Variants in POLR1D observed in about 807,000 individuals in gnomAD.
POLR1D encodes the protein RNA polymerase I and III subunit D.
A neutral mutation model predicts 10.8 loss-of-function variants in POLR1D; 8 were observed. The ratio of observed to expected loss-of-function variants is 0.74; its 90% CI spans 0.43 to 1.33. The LOEUF (loss-of-function observed/expected upper bound fraction) is 1.33. POLR1D is among the 40% of genes most tolerant of loss of function. POLR1D has a pLI of 0.01. For missense variants in POLR1D, 152 were observed against 161.7 expected, an observed-to-expected ratio of 0.94 and a Z score of 0.32; for synonymous variants, 54 against 57.2, an observed-to-expected ratio of 0.94 and a Z score of 0.25.
At chr13:27,627,321 G>T (rs1956023159), downstream of POLR1D, among the ~76,000 whole-genome samples, 2 of 149,348 alleles carry the variant, frequency 1.3e-5, no homozygotes, top group Admixed American at 6.7e-5. Context: ...TCTCAAACTT[G>T]GATTATTAGA....
chr13:27,623,019 C>T lies in POLR1D; in HGVS notation c.171C>T (p.Tyr57=). 1 of 1,614,084 alleles carries T rather than the reference C, an allele frequency of 6.2e-7. No homozygotes were observed. The highest frequency in any genetic ancestry group is 8.5e-7 in the Non-Finnish European group (1 of 1,179,970). ...ATACCCTAGGAAATTCTCTACGTTA[C>T]ATGATCATGAAGAACCCGGAAGTGG... ...EDHTLGNSLR[Y]MIMKNPEVEF... Residue 57 remains tyrosine, a synonymous_variant, in exon 2 of 2, where the codon TAC becomes TAT. Transcript: ENST00000302979.
chr13:27,623,804 C>G (rs1276427792), downstream of POLR1D, among the ~76,000 whole-genome samples: 1 of 152,140 alleles, frequency 6.6e-6, no homozygotes, highest in African/African-American at 2.4e-5. Context: ...TGTGAGAATT[C>G]TGGTTTTACA....
chr13:27,665,821 A>G (rs1207016171), exon 3 of POLR1D: 2 of 1,614,250 alleles, frequency 1.2e-6, no homozygotes, highest in Admixed American at 1.7e-5. Context: ...AGGCCCAGAA[A>G]GAAGAAAACC....
At chr13:27,653,759 CTA>C (rs975207377) in intron 2 of POLR1D, among the ~76,000 whole-genome samples, 3 of 151,950 alleles carry the variant, frequency 2.0e-5, no homozygotes, top group South Asian at 2.1e-4. Context: ...AGAAAAATAA[CTA>C]TATTTGCAAA....
rs190377655 is a variant in POLR1D at position 27,663,544 on chromosome 13, C to G, written c.102-2142C>G. Among the ~76,000 whole-genome samples, 1 of 152,286 alleles carries G rather than the reference C, an allele frequency of 6.6e-6. No homozygotes were observed. On this transcript the variant is annotated intron_variant, in intron 2 of 2. Coordinates refer to the POLR1D transcript ENST00000399697. The surrounding 1 kb of genome is among the most constrained non-coding windows in gnomAD (Gnocchi z 4.1). Reference sequence around the variant, plus strand: ...TAGCAGTTGGAAGATAGGTGCAGTCCCCTCTGCCTCTTGGCGTGAATGCTG... The same window carrying G: ...TAGCAGTTGGAAGATAGGTGCAGTCGCCTCTGCCTCTTGGCGTGAATGCTG...
intron 2 of POLR1D, chr13:27,651,451 G>T (rs181770537): frequency 6.6e-6 from 1 of 152,232 alleles, no homozygotes; most frequent in African/African-American, 2.4e-5. Context: ...TTTTTTAGGT[G>T]TGATAGTATT....
At chr13:27,633,191 T>C (rs1187899141) in intron 1 of POLR1D, among the ~76,000 whole-genome samples, 2 of 152,178 alleles carry the variant, frequency 1.3e-5, no homozygotes, top group Non-Finnish European at 2.9e-5. Context: ...GCCAGGTAGA[T>C]GATTCCAGAG....
intron 1 of POLR1D, among the ~76,000 whole-genome samples, chr13:27,632,332 T>A (rs1218953): frequency 6.6e-6 from 1 of 152,180 alleles, no homozygotes; most frequent in Non-Finnish European, 1.5e-5. Flanking sequence ...TTGAAAGGAT[T>A]TGATTCCAAG....
upstream of POLR1D, chr13:27,621,877 C>CTTCCGTCCTCCGCGCT (rs1194282199): frequency 2.5e-6 from 3 of 1,220,482 alleles, no homozygotes; most frequent in African/African-American, 4.5e-5. Flanking sequence ...TCCTCCGCGC[C>CTTCCGTCCTCCGCGCT]TTCCGTCGGT....
At chr13:27,653,417 T>TA (rs1201947795) in intron 2 of POLR1D, among the ~76,000 whole-genome samples, 2 of 151,730 alleles carry the variant, frequency 1.3e-5, no homozygotes, top group African/African-American at 4.8e-5. Context: ...GAAAAGGGAG[T>TA]AAATAAAAGA....
chr13:27,631,213 GTCAAGATGTC>G (rs1956069897), intron 1 of POLR1D, among the ~76,000 whole-genome samples: 1 of 152,198 alleles, frequency 6.6e-6, no homozygotes, highest in African/African-American at 2.4e-5. Flanking sequence ...CAAGGCTGTA[GTCAAGATGTC>G]ATCCAGGCTG....
intron 1 of POLR1D, among the ~76,000 whole-genome samples, chr13:27,638,093 G>C (rs1463225757): frequency 1.3e-5 from 2 of 152,212 alleles, no homozygotes; most frequent in South Asian, 4.1e-4. Context: ...GTGAAAGACA[G>C]AAAATGCCTG....
intron 1 of POLR1D, among the ~76,000 whole-genome samples, chr13:27,635,641 TA>T (rs1956116234): frequency 6.6e-6 from 1 of 150,776 alleles, no homozygotes; most frequent in African/African-American, 2.4e-5. Context: ...ATAAAATGAT[TA>T]TTTTTTTAAA....
At chr13:27,661,155 A>G (rs1432735245) in intron 2 of POLR1D, among the ~76,000 whole-genome samples, 1 of 152,200 alleles carries the variant, frequency 6.6e-6, no homozygotes, top group African/African-American at 2.4e-5. Flanking sequence ...TTCCCATGGC[A>G]TGTGGAACCC....
chr13:27,638,437 T>C (rs1956146007), intron 1 of POLR1D, among the ~76,000 whole-genome samples: 1 of 152,242 alleles, frequency 6.6e-6, no homozygotes. Context: ...AAGAGACTAA[T>C]TTCTATGTGT....
At chr13:27,665,486 G>A (rs1956406578) in intron 2 of POLR1D, 1 of 605,882 alleles carries the variant, frequency 1.7e-6, no homozygotes, top group Non-Finnish European at 2.9e-6. Context: ...AGCCAGTCTT[G>A]TCTCAAGAAT....
intron 1 of POLR1D, chr13:27,622,415 C>T (rs977613981): frequency 5.6e-5 from 17 of 306,072 alleles, no homozygotes; most frequent in Non-Finnish European, 1.0e-4. Flanking sequence ...GACTCCTGAA[C>T]CTTCCATTCT....
chr13:27,622,018 C>G lies in POLR1D; in HGVS notation c.26+9C>G. On this transcript the variant is annotated intron_variant, in intron 1 of 1. Coordinates refer to ENST00000302979, the MANE Select transcript of POLR1D (RefSeq NM_015972.4). ...GATCAGGAGCTGGAGAGGTAACGGC[C>G]GAGGAGGAGGCGGGCGGAGCGGGCC... 2 of 1,584,968 alleles carry G rather than the reference C, an allele frequency of 1.3e-6. No individual in the cohort carries two copies. Among genetic ancestry groups the G allele is most frequent in the Non-Finnish European group, 8.6e-7 (1 of 1,165,856 alleles).
intron 1 of POLR1D, among the ~76,000 whole-genome samples, chr13:27,638,023 C>T (rs766237038): frequency 1.2e-4 from 19 of 152,120 alleles, no homozygotes; most frequent in Non-Finnish European, 2.5e-4. Context: ...CAAAATCTCT[C>T]CCTGCCAGTG....
Sources: gnomAD v4.1 joint callset for allele counts (sites outside exome capture counted in the v4.1 genomes callset) on GRCh38, gnomAD v4.1.1 for gene constraint, Gnocchi (gnomAD v3.1) non-coding constraint, MANE v1.5 for transcripts, NCBI Gene and HGNC (gene_info 2026-07-23, HGNC 2026-07-21) for gene names.